EML6: variants seen among roughly 807,000 people sequenced by gnomAD.
EML6 encodes echinoderm microtubule-associated protein-like 6.
A neutral mutation model predicts 240.1 loss-of-function variants in EML6; 154 were observed. The ratio of observed to expected loss-of-function variants is 0.64; its 90% CI spans 0.56 to 0.73. The LOEUF is 0.73. Among genes scored for constraint, EML6 ranks in the 30% least tolerant of loss-of-function variants. The probability of loss-of-function intolerance (pLI) is 0.00; values close to 1 mark genes in which losing one functional copy is unlikely to be tolerated. For missense variants in EML6, 2,964 were observed against 2,474.6 expected, an observed-to-expected ratio of 1.20 and a Z score of -4.20; for synonymous variants, 1,148 against 899.0, an observed-to-expected ratio of 1.28 and a Z score of -4.95.
chr2:54,943,578 T>A (rs1166830722), intron 28 of EML6, among the ~76,000 whole-genome samples: 1 of 152,192 alleles, frequency 6.6e-6, no homozygotes, highest in African/African-American at 2.4e-5. Flanking sequence ...CCTCTGTCCC[T>A]GCCATTCTGC....
At chr2:54,794,610 A>G (rs1669652475) in intron 2 of EML6, among the ~76,000 whole-genome samples, 1 of 152,124 alleles carries the variant, frequency 6.6e-6, no homozygotes, top group African/African-American at 2.4e-5. Flanking sequence ...TTTTTCTAGG[A>G]AAACTTATCT....
At chr2:54,832,398 G>T (rs1010304149) in intron 7 of EML6, among the ~76,000 whole-genome samples, 4 of 152,238 alleles carry the variant, frequency 2.6e-5, no homozygotes, top group Admixed American at 2.6e-4. Flanking sequence ...AACAGGGAGA[G>T]ACTCTCAGAA....
chr2:54,763,277 A>G (rs377339975), intron 2 of EML6, among the ~76,000 whole-genome samples: 97 of 152,312 alleles, frequency 6.4e-4, no homozygotes, highest in African/African-American at 2.2e-3. Context: ...TTCAGAAGTT[A>G]CTTGGATTAG....
At chr2:54,868,328 A>T (rs1199970761) in intron 14 of EML6, 1 of 152,222 alleles carries the variant, frequency 6.6e-6, no homozygotes, top group East Asian at 1.9e-4. Flanking sequence ...TATAATTATT[A>T]AGCACAGAAA....
intron 24 of EML6, among the ~76,000 whole-genome samples, chr2:54,904,756 C>G (rs887459203): frequency 6.6e-6 from 1 of 152,162 alleles, no homozygotes; most frequent in African/African-American, 2.4e-5. Context: ...GGGGCATTCC[C>G]TCCCATCTTG....
intron 28 of EML6, among the ~76,000 whole-genome samples, chr2:54,948,210 A>G (rs976718252): frequency 1.3e-5 from 2 of 152,152 alleles, no homozygotes; most frequent in African/African-American, 4.8e-5. Flanking sequence ...TTAAATTTGG[A>G]GGCCCCAGAC....
intron 26 of EML6, among the ~76,000 whole-genome samples, chr2:54,920,072 A>G (rs1325454075): frequency 6.6e-6 from 1 of 152,224 alleles, no homozygotes; most frequent in Non-Finnish European, 1.5e-5. Context: ...GAATTAAGAA[A>G]GAAAAATAAA....
At chr2:54,869,147 C>T in intron 14 of EML6, 34 bp from the exon 15 acceptor site, 2 of 1,458,406 alleles carry the variant, frequency 1.4e-6, no homozygotes, top group Non-Finnish European at 1.9e-6. Context: ...GCTGTTTGTT[C>T]AACCACTATG....
At position 54,894,866 on chromosome 2, in the gene EML6, A is replaced by G. The variant is rs912017691; in HGVS notation, c.2743-49A>G. The G allele has an allele frequency of 6.8e-6, 9 of 1,318,894 alleles. No individual in the cohort carries two copies. In the African/African-American group the frequency reaches 1.0e-4, roughly 15 times the overall value. The allele number at this position is 1,318,894 out of a possible 1,614,324, so 81.7% of individuals were successfully genotyped here. ...GAATCCTCCTGGGGCCAAGTGGGTA[A>G]TTGGTCATTTTGATGTGTATATAAT... On this transcript the variant is annotated intron_variant, in intron 19 of 41. Transcript: ENST00000356458.
chr2:54,960,093 A>T, intron 34 of EML6, 127 bp from the exon 35 acceptor site: 2 of 687,284 alleles, frequency 2.9e-6, no homozygotes, highest in Non-Finnish European at 5.1e-6. Flanking sequence ...TGGACCCTGG[A>T]GGGTCTTTCC....
intron 16 of EML6, 36 bp downstream of exon 16, chr2:54,871,641 TGAGA>T (rs533433291): frequency 5.4e-5 from 76 of 1,407,546 alleles, no homozygotes; most frequent in Middle Eastern, 1.7e-4. Context: ...GGTTCTACGT[TGAGA>T]GAGAGAGAGA....
chr2:54,757,011 G>A (rs1030420218), intron 2 of EML6, among the ~76,000 whole-genome samples: 2 of 151,164 alleles, frequency 1.3e-5, no homozygotes, highest in African/African-American at 2.4e-5. Context: ...CATTCAAATC[G>A]GTTGAATTTT....
chr2:54,863,788 G>A lies in EML6; in HGVS notation c.1831G>A (p.Gly611Arg). Residue 611 changes from glycine (G) to arginine (R), a missense_variant, in exon 13 of 42, where the codon GGA becomes AGA. Physicochemically the swap from Gly to Arg is moderately radical, Grantham distance 125. Coordinates refer to ENST00000356458, the MANE Select transcript of EML6 (RefSeq NM_001039753.4). ...TGTGGGTTGTATCTCTGCAGAAGGT[G>A]GAGCTGATTCCTACAGTGAAGAATC... ...GMLETAPQEG[G>R]ADSYSEESDS... 6.5e-7 allele frequency: 1 copy of A among 1,534,692 alleles called. No homozygotes were observed. Among genetic ancestry groups the A allele is most frequent in the Non-Finnish European group, 8.8e-7 (1 of 1,133,036 alleles).
chr2:54,734,909 A>G lies in EML6; in HGVS notation c.197+9651A>G, dbSNP rs111286815. Among the ~76,000 whole-genome samples the G allele has an allele frequency of 5.7e-3, 869 of 152,278 alleles. 11 individuals carry two copies. The highest frequency in any genetic ancestry group is 0.02 in the African/African-American group (834 of 41,540). On this transcript the variant is annotated intron_variant, in intron 2 of 41. Transcript: ENST00000356458. ...GCATGATGAGAGTCAAACTCCCACA[A>G]GATGTTCTCCACGGTCTATTATGAT... is the stretch of plus-strand genomic sequence containing the variant.
intron 11 of EML6, among the ~76,000 whole-genome samples, chr2:54,857,396 G>C (rs1033556941): frequency 6.6e-6 from 1 of 152,136 alleles, no homozygotes; most frequent in Non-Finnish European, 1.5e-5. Flanking sequence ...AGTGTCCCAG[G>C]GAAAGCCTTA....
intron 5 of EML6, among the ~76,000 whole-genome samples, chr2:54,822,543 TC>T (rs1360668658): frequency 6.6e-6 from 1 of 152,196 alleles, no homozygotes; most frequent in Non-Finnish European, 1.5e-5. Context: ...AAATGTTACA[TC>T]CATATGATGA....
At chr2:54,788,253 G>A (rs1168850512) in intron 2 of EML6, among the ~76,000 whole-genome samples, 4 of 152,170 alleles carry the variant, frequency 2.6e-5, no homozygotes, top group Non-Finnish European at 2.9e-5. Context: ...CCTGCAAGGC[G>A]GGCTGCCCTC....
At position 54,968,110 on chromosome 2, in the gene EML6, C is replaced by A. The variant is rs759009294; in HGVS notation, c.5598-18C>A. On this transcript the variant is annotated intron_variant, in intron 39 of 41. Transcript: ENST00000356458. Reference sequence around the variant, plus strand: ...CCGTGACTTCCTTCTATCCTAACCCCTCTTTCTGTTGGAACAGCGTCCTGG... The same window carrying A: ...CCGTGACTTCCTTCTATCCTAACCCATCTTTCTGTTGGAACAGCGTCCTGG... 48 of 1,549,706 alleles carry A rather than the reference C, an allele frequency of 3.1e-5. 1 individual carries two copies. In the South Asian group the frequency reaches 4.4e-4, roughly 14 times the overall value.
chr2:54,933,141 G>A (rs144027034), intron 28 of EML6, among the ~76,000 whole-genome samples: 1 of 152,130 alleles, frequency 6.6e-6, no homozygotes, highest in Non-Finnish European at 1.5e-5. Context: ...TTCAAAATCA[G>A]TAGGAAAGAA....
Sources: allele counts gnomAD v4.1 joint callset (sites outside exome capture counted in the v4.1 genomes callset), GRCh38; gene constraint gnomAD v4.1.1; transcripts MANE v1.5; gene names NCBI Gene and HGNC (gene_info 2026-07-23, HGNC 2026-07-21).